The following SMOC2 variants were observed in gnomAD, a reference collection of about 807,000 sequenced individuals.
SMOC2 encodes SPARC related modular calcium binding 2, also known as SPARC-related modular calcium-binding protein 2.
In SMOC2, 39 loss-of-function variants were observed where a neutral mutation model predicts 61.4. The ratio of observed to expected loss-of-function variants is 0.64; its 90% CI spans 0.49 to 0.83. SMOC2 has a LOEUF of 0.83. Among genes scored for constraint, SMOC2 ranks in the 40% least tolerant of loss-of-function variants. The pLI is 0.00. For missense variants in SMOC2, 556 were observed against 592.9 expected, an observed-to-expected ratio of 0.94 and a Z score of 0.65; for synonymous variants, 247 against 239.9, an observed-to-expected ratio of 1.03 and a Z score of -0.27.
intron 9 of SMOC2, among the ~76,000 whole-genome samples, chr6:168,645,752 C>A (rs187406754): frequency 3.3e-5 from 5 of 152,272 alleles, no homozygotes; most frequent in African/African-American, 9.6e-5. Flanking sequence ...CAGGTCACCA[C>A]GCAGGCCCCC....
Position 168,598,849 on chromosome 6 carries a change from C to T in SMOC2, c.669C>T (p.Ala223=). ...CCTGTGACCAAGAGCACCAGTCTGC[C>T]CTGGAGGAAGCCAAGCAGCCCAAGA... is the stretch of plus-strand genomic sequence containing the variant. ...VSSCDQEHQS[A]LEEAKQPKND... is the part of the protein sequence containing the mutation. The change falls in exon 8 of 13, where the codon GCC becomes GCT. Residue 223 remains alanine (A), a synonymous_variant. Coordinates refer to ENST00000356284, the MANE Select transcript of SMOC2 (RefSeq NM_001166412.2). 7 of 1,613,828 alleles carry T rather than the reference C, an allele frequency of 4.3e-6. No homozygotes were observed. The highest frequency in any genetic ancestry group is 5.9e-6 in the Non-Finnish European group (7 of 1,179,818).
At chr6:168,592,166 C>G (rs1246596783) in intron 7 of SMOC2, among the ~76,000 whole-genome samples, 3 of 152,234 alleles carry the variant, frequency 2.0e-5, no homozygotes, top group African/African-American at 7.2e-5. Flanking sequence ...CTCTCCTTCC[C>G]TATTTCCCTA....
chr6:168,532,316 G>A (rs1386081965), intron 4 of SMOC2, among the ~76,000 whole-genome samples: 1 of 152,192 alleles, frequency 6.6e-6, no homozygotes, highest in Non-Finnish European at 1.5e-5. Context: ...AGCCCTTCAT[G>A]TCCTTCGTCC....
chr6:168,504,623 T>C (rs1782818163), intron 1 of SMOC2, among the ~76,000 whole-genome samples: 1 of 152,062 alleles, frequency 6.6e-6, no homozygotes, highest in Non-Finnish European at 1.5e-5. Context: ...TTAGGTCATC[T>C]TTTAGGAAGC....
chr6:168,623,788 C>T (rs938182564), intron 9 of SMOC2, among the ~76,000 whole-genome samples: 4 of 152,112 alleles, frequency 2.6e-5, no homozygotes, highest in Non-Finnish European at 4.4e-5. Flanking sequence ...CCTATCCCCC[C>T]AAAAAAATCA....
At chr6:168,552,876 C>T (rs1784160521) in intron 7 of SMOC2, among the ~76,000 whole-genome samples, 1 of 149,168 alleles carries the variant, frequency 6.7e-6, no homozygotes, top group South Asian at 2.2e-4. Context: ...GAGAGCCCAC[C>T]GAGGGTGGCC....
Position 168,615,468 on chromosome 6 carries a change from C to T in SMOC2, c.907+7229C>T, listed in dbSNP as rs1345901509. On this transcript the variant is annotated intron_variant, in intron 9 of 12. Coordinates refer to ENST00000356284, the MANE Select transcript of SMOC2 (RefSeq NM_001166412.2). ...CTACAGCCAGCACAGGGCCTCTTCACACCTACAGCCAGCACACGGCCTCTT... is the reference window on the plus strand; with the variant it reads ...CTACAGCCAGCACAGGGCCTCTTCATACCTACAGCCAGCACACGGCCTCTT... Among the ~76,000 whole-genome samples the T allele has an allele frequency of 5.4e-4, 59 of 109,398 alleles. 2 individuals are homozygous for T. The highest frequency in any genetic ancestry group is 2.1e-3 in the African/African-American group (58 of 27,408). 71.8% of individuals were successfully genotyped at this position (109,398 alleles called of 152,430 possible).
chr6:168,655,800 T>C (rs1401679581), intron 11 of SMOC2, among the ~76,000 whole-genome samples: 2 of 152,218 alleles, frequency 1.3e-5, no homozygotes, highest in Non-Finnish European at 2.9e-5. Flanking sequence ...CCCCTTCATG[T>C]ATGTGCTGGA....
At position 168,658,170 on chromosome 6, in the gene SMOC2, A is replaced by C. The variant is rs183102325; in HGVS notation, c.1285+4942A>C. Among the ~76,000 whole-genome samples the C allele has an allele frequency of 3.2e-3, 488 of 152,192 alleles. 12 individuals are homozygous for C. The highest frequency in any genetic ancestry group is 0.029 in the Admixed American group (441 of 15,294). ...GGAACCATGGTGTCCCTCACCCCTGATGGTTCCACAGAGAGGGAAGATGAA... is the reference window on the plus strand; with the variant it reads ...GGAACCATGGTGTCCCTCACCCCTGCTGGTTCCACAGAGAGGGAAGATGAA... On this transcript the variant is annotated intron_variant, in intron 11 of 12. Coordinates refer to ENST00000356284, the MANE Select transcript of SMOC2 (RefSeq NM_001166412.2).
At chr6:168,517,413 G>A (rs980041913) in intron 2 of SMOC2, among the ~76,000 whole-genome samples, 2 of 152,234 alleles carry the variant, frequency 1.3e-5, no homozygotes, top group Admixed American at 6.5e-5. Flanking sequence ...CAGTGTCTCC[G>A]GGAGGAAAGC....
At chr6:168,546,830 C>G (rs1044258823) in intron 5 of SMOC2, among the ~76,000 whole-genome samples, 1 of 152,212 alleles carries the variant, frequency 6.6e-6, no homozygotes, top group African/African-American at 2.4e-5. Context: ...TCCTCATCTG[C>G]CCTATGGCCT....
intron 1 of SMOC2, among the ~76,000 whole-genome samples, chr6:168,466,744 C>T (rs1301907381): frequency 2.0e-5 from 3 of 152,212 alleles, no homozygotes; most frequent in South Asian, 2.1e-4. Context: ...ATTTCCATGT[C>T]GGCCAAGGCC....
intron 1 of SMOC2, among the ~76,000 whole-genome samples, chr6:168,509,623 T>C (rs1782958605): frequency 6.6e-6 from 1 of 152,188 alleles, no homozygotes; most frequent in African/African-American, 2.4e-5. Context: ...CTTTAAGCGT[T>C]GAACTAGGCA....
At chr6:168,514,029 G>A (rs1308887028) in intron 2 of SMOC2, among the ~76,000 whole-genome samples, 1 of 152,158 alleles carries the variant, frequency 6.6e-6, no homozygotes, top group Non-Finnish European at 1.5e-5. Flanking sequence ...GGCACACAGC[G>A]GGGTGCACAG....
In SMOC2 at chr6:168,539,895, G is replaced by A. The variant is rs113228892; in HGVS notation, c.464-3730G>A. The stretch of plus-strand genomic sequence containing the variant: ...GCAGGCCCTGGATCCTGGCTCTGCC[G>A]CTTCCTAAGTGGCCCTGGGCCAGTT... On this transcript the variant is annotated intron_variant, in intron 4 of 12. Coordinates refer to ENST00000356284, the MANE Select transcript of SMOC2 (RefSeq NM_001166412.2). Among the ~76,000 whole-genome samples, 120 of 152,256 alleles carry A rather than the reference G, an allele frequency of 7.9e-4. 1 individual carries two copies. Among genetic ancestry groups the A allele is most frequent in the Middle Eastern group, 3.4e-3 (1 of 294 alleles).
chr6:168,574,300 G>A (rs116279790), intron 7 of SMOC2, among the ~76,000 whole-genome samples: 2,791 of 152,270 alleles, frequency 0.018, 64 homozygotes, highest in South Asian at 0.067. Flanking sequence ...CCTGCAGGCC[G>A]GGCCTCCATA....
At chr6:168,470,580 G>GGT (rs1381524318) in intron 1 of SMOC2, among the ~76,000 whole-genome samples, 2 of 152,108 alleles carry the variant, frequency 1.3e-5, no homozygotes, top group African/African-American at 2.4e-5. Context: ...AGGAGGCTGA[G>GGT]GTGGGAGGAT....
Position 168,446,909 on chromosome 6 carries a change from G to A in SMOC2, c.84+5455G>A, listed in dbSNP as rs118003700. 4.6e-3 allele frequency among the ~76,000 whole-genome samples: 694 copies of A among 152,246 alleles called. 2 individuals are homozygous for A. Among genetic ancestry groups the A allele is most frequent in the Non-Finnish European group, 6.9e-3 (466 of 68,020 alleles). ...GAATGACTTCTTTTTGATGAACCAC[G>A]ATTTTATTTTGATTTTTATTATGTA... On this transcript the variant is annotated intron_variant, in intron 1 of 12. Coordinates refer to ENST00000356284, the MANE Select transcript of SMOC2 (RefSeq NM_001166412.2).
At chr6:168,658,572 C>T (rs1787385560) in intron 11 of SMOC2, among the ~76,000 whole-genome samples, 1 of 152,080 alleles carries the variant, frequency 6.6e-6, no homozygotes, top group African/African-American at 2.4e-5. Flanking sequence ...GGTCCATGGC[C>T]CTTGCTGGGG....
Sources: allele counts gnomAD v4.1 joint callset (sites outside exome capture counted in the v4.1 genomes callset), GRCh38; gene constraint gnomAD v4.1.1; transcripts MANE v1.5; gene names NCBI Gene and HGNC (gene_info 2026-07-23, HGNC 2026-07-21).